CYLC2: variants seen among roughly 807,000 people sequenced by gnomAD.
The protein encoded by CYLC2 is cylicin 2, also known as cylicin-2.
In CYLC2, 30 loss-of-function variants were observed where a neutral mutation model predicts 26.1. The observed-to-expected ratio is 1.15, with a 90% CI of 0.86 to 1.56. The LOEUF (loss-of-function observed/expected upper bound fraction) is 1.56. Ranked by LOEUF, CYLC2 falls within the 40% of genes most tolerant of loss-of-function variation. The probability of loss-of-function intolerance (pLI) is 0.00; values close to 1 mark genes in which losing one functional copy is unlikely to be tolerated. For missense variants in CYLC2, 498 were observed against 394.4 expected, an observed-to-expected ratio of 1.26 and a Z score of -2.23; for synonymous variants, 158 against 132.8, an observed-to-expected ratio of 1.19 and a Z score of -1.31.
chr9:102,997,390 T>C (rs1160705392), intron 1 of CYLC2, among the ~76,000 whole-genome samples: 1 of 151,842 alleles, frequency 6.6e-6, no homozygotes, highest in East Asian at 1.9e-4. Context: ...TCGAAATAAA[T>C]CCATGCTAAG....
rs373753962 is a variant in CYLC2 at position 103,008,565 on chromosome 9, G to T, written c.*700+2187G>T. On this transcript the variant is annotated intron_variant, in intron 5 of 7. Coordinates refer to ENST00000374798, the MANE Select transcript of CYLC2 (RefSeq NM_001340.5). ...AAAGAGAACTGTTGACATCCCTCCA[G>T]CAATGCCTCTTTCTCCCCAAGTTCT... Among the ~76,000 whole-genome samples the T allele has an allele frequency of 5.9e-5, 9 of 152,004 alleles. No homozygotes were observed. The East Asian group carries it at 1.4e-3, about 23-fold the overall frequency.
intron 2 of CYLC2, 29 bp downstream of exon 2, chr9:103,001,647 A>C: frequency 7.0e-7 from 1 of 1,418,568 alleles, no homozygotes; most frequent in Non-Finnish European, 9.9e-7. Context: ...TTTATTACAA[A>C]ACAGGTGTGC....
chr9:103,000,085 T>C (rs1401218874), intron 1 of CYLC2, among the ~76,000 whole-genome samples: 1 of 151,858 alleles, frequency 6.6e-6, no homozygotes, highest in East Asian at 1.9e-4. Context: ...TATAAAATAT[T>C]AAAACTGTAA....
At chr9:103,001,981 A>C in intron 2 of CYLC2, among the ~76,000 whole-genome samples, 1 of 152,144 alleles carries the variant, frequency 6.6e-6, no homozygotes, top group East Asian at 1.9e-4. Context: ...ACCAGCTTAT[A>C]ATTGGCCCCA....
chr9:103,013,891 A>G (rs1353447379), intron 6 of CYLC2, among the ~76,000 whole-genome samples: 17 of 113,358 alleles, frequency 1.5e-4, no homozygotes, highest in Middle Eastern at 0.012. Context: ...AATAAATAAT[A>G]TATTATATAT....
intron 5 of CYLC2, 34 bp from the exon 6 acceptor site, chr9:103,011,948 T>G (rs1587854581): frequency 3.8e-5 from 1 of 26,224 alleles, no homozygotes; most frequent in South Asian, 1.3e-3. Context: ...GATCATTCTC[T>G]TTTTTTTTTT....
Position 103,005,417 on chromosome 9 carries a change from A to G in CYLC2, c.786A>G (p.Lys262=), listed in dbSNP as rs1587852223. The change falls in exon 5 of 8, where the codon AAA becomes AAG. Residue 262 remains lysine, a synonymous_variant. Transcript: ENST00000374798. ...GTGATGAATCGAAGGATGCCAAGAA[A>G]GATGCAAAGGAGATTAAAAAAGGTA... ...NKGDESKDAK[K]DAKEIKKGKK... 8 of 1,613,986 alleles carry G rather than the reference A, an allele frequency of 5.0e-6. No individual in the cohort carries two copies. The highest frequency in any genetic ancestry group is 6.8e-6 in the Non-Finnish European group (8 of 1,179,964).
Position 103,004,747 on chromosome 9 carries a change from A to T in CYLC2, c.233A>T (p.Tyr78Phe). 2 of 1,608,898 alleles carry T rather than the reference A, an allele frequency of 1.2e-6. No individual in the cohort carries two copies. Among genetic ancestry groups the T allele is most frequent in the Non-Finnish European group, 1.7e-6 (2 of 1,177,256 alleles). The change falls in exon 4 of 8, where the codon TAC (tyrosine) becomes TTC (phenylalanine). Residue 78 changes from tyrosine (Y) to phenylalanine (F), a missense_variant. By Grantham distance (22) the Tyr-to-Phe change is conservative. Coordinates refer to ENST00000374798, the MANE Select transcript of CYLC2 (RefSeq NM_001340.5). ...RGDRRQPLWMYRSLMRISERP... is the reference protein window; with the variant it reads ...RGDRRQPLWMFRSLMRISERP... ...GATCGTAGACAACCATTATGGATGTACCGTTCTTTAATGAGAATTTCTGAG... is the reference window on the plus strand; with the variant it reads ...GATCGTAGACAACCATTATGGATGTTCCGTTCTTTAATGAGAATTTCTGAG...
chr9:103,013,770 T>C (rs959562101), intron 6 of CYLC2, among the ~76,000 whole-genome samples: 32 of 110,358 alleles, frequency 2.9e-4, no homozygotes, highest in African/African-American at 1.1e-3. Context: ...TTATATTTTA[T>C]ATTATATATT....
intron 6 of CYLC2, among the ~76,000 whole-genome samples, chr9:103,012,509 T>C (rs1333717141): frequency 1.3e-5 from 2 of 152,078 alleles, no homozygotes; most frequent in African/African-American, 4.8e-5. Flanking sequence ...TGACAGTTTT[T>C]ATAATTATTC....
intron 1 of CYLC2, among the ~76,000 whole-genome samples, chr9:102,995,618 TAA>T (rs954980780): frequency 9.9e-5 from 15 of 151,904 alleles, no homozygotes; most frequent in African/African-American, 3.1e-4. Flanking sequence ...TGGCTTTGGA[TAA>T]GTCTTTTTTG....
In CYLC2 at chr9:103,005,041, GA is replaced by G. The variant is rs761873747; in HGVS notation, c.417del (p.Asp140IlefsTer8). On this transcript the variant is annotated frameshift_variant, in exon 5 of 8. Coordinates refer to ENST00000374798, the MANE Select transcript of CYLC2 (RefSeq NM_001340.5). LOFTEE classifies it high-confidence loss of function. ...GATTCGGAATCAGAATTAAAACAAGGAAAAAAAGATTCAAAGAAAGGCAAGG... is the reference window on the plus strand; with the variant it reads ...GATTCGGAATCAGAATTAAAACAAGGAAAAAAGATTCAAAGAAAGGCAAGG... ...TTDSESELKQ[G>X]KKDSKKGKDI... 19 of 1,597,622 alleles carry G rather than the reference GA, an allele frequency of 1.2e-5. No homozygotes were observed. In the Admixed American group the frequency reaches 1.5e-4, roughly 12 times the overall value.
At chr9:103,015,238 T>C (rs1177411696) in intron 6 of CYLC2, among the ~76,000 whole-genome samples, 1 of 122,994 alleles carries the variant, frequency 8.1e-6, no homozygotes, top group Non-Finnish European at 1.6e-5. Flanking sequence ...TATTTATATA[T>C]AATCTGATAT....
chr9:103,009,204 A>G (rs1468538239), intron 5 of CYLC2, among the ~76,000 whole-genome samples: 1 of 152,000 alleles, frequency 6.6e-6, no homozygotes, highest in Non-Finnish European at 1.5e-5. Context: ...GATATATTTC[A>G]TAGACTAATT....
chr9:103,005,480 C>T lies in CYLC2; in HGVS notation c.849C>T (p.Asp283=). The T allele has an allele frequency of 1.9e-6, 3 of 1,613,604 alleles. No individual in the cohort carries two copies. The highest frequency in any genetic ancestry group is 2.5e-6 in the Non-Finnish European group (3 of 1,179,894). Residue 283 remains aspartate, a synonymous_variant, in exon 5 of 8, where the codon GAC becomes GAT. Coordinates refer to ENST00000374798, the MANE Select transcript of CYLC2 (RefSeq NM_001340.5). ...AGAAGCCCAGTAGTACAGACAGTGA[C>T]TCAAAGGATGATGTCAAGAAAGAGT... ...DKKKPSSTDS[D]SKDDVKKESK...
intron 6 of CYLC2, among the ~76,000 whole-genome samples, chr9:103,014,255 A>G (rs1198179777): frequency 7.8e-6 from 1 of 128,738 alleles, no homozygotes; most frequent in African/African-American, 2.9e-5. Flanking sequence ...TATATATCAC[A>G]TAATATATTA....
rs552060200 is a variant in CYLC2, at chr9:103,009,784, G to A, written c.*701-2198G>A. ...CCTCTATAGTTTGTTTTAATTTTTA[G>A]ATACAACAAATGAGAGAGAACATGC... is the stretch of plus-strand genomic sequence containing the variant. On this transcript the variant is annotated intron_variant, in intron 5 of 7. Coordinates refer to ENST00000374798, the MANE Select transcript of CYLC2 (RefSeq NM_001340.5). Among the ~76,000 whole-genome samples, 422 of 151,532 alleles carry A rather than the reference G, an allele frequency of 2.8e-3. 1 individual carries two copies. The highest frequency in any genetic ancestry group is 9.7e-3 in the African/African-American group (400 of 41,322).
intron 5 of CYLC2, among the ~76,000 whole-genome samples, chr9:103,006,605 G>A (rs911335592): frequency 6.6e-6 from 1 of 151,824 alleles, no homozygotes; most frequent in African/African-American, 2.4e-5. Flanking sequence ...TAGTAGAGAC[G>A]GGGTTTCACC....
Position 103,012,320 on chromosome 9 carries a change from T to G in CYLC2, c.*816+223T>G, listed in dbSNP as rs183534378. On this transcript the variant is annotated intron_variant, in intron 6 of 7. Coordinates refer to ENST00000374798, the MANE Select transcript of CYLC2 (RefSeq NM_001340.5). ...CAGCCCCTGGCCTCCTTTCAGTCAT[T>G]TAGTATTTTTATATCATGTTCCTTC... 2.6e-5 allele frequency among the ~76,000 whole-genome samples: 4 copies of G among 152,150 alleles called. No homozygotes were observed. In the East Asian group the frequency reaches 7.7e-4, roughly 29 times the overall value.
Sources: allele counts gnomAD v4.1 joint callset (sites outside exome capture counted in the v4.1 genomes callset), GRCh38; gene constraint gnomAD v4.1.1; transcripts MANE v1.5; gene names NCBI Gene and HGNC (gene_info 2026-07-23, HGNC 2026-07-21).